ZNF366: variants seen among roughly 807,000 people sequenced by gnomAD.
ZNF366 encodes the protein dendritic cell-specific transcript protein.
Under a neutral mutation model 47.2 loss-of-function variants are expected in ZNF366, and 20 were observed. The ratio of observed to expected loss-of-function variants is 0.42; its 90% confidence interval spans 0.30 to 0.62. The LOEUF (loss-of-function observed/expected upper bound fraction) is 0.62. Ranked by LOEUF, ZNF366 falls within the 20% of genes least tolerant of loss-of-function variation. ZNF366 has a pLI of 0.16. For synonymous variants in ZNF366, 421 were observed against 395.1 expected, an observed-to-expected ratio of 1.07 and a Z score of -0.78; for missense variants, 987 against 976.3, an observed-to-expected ratio of 1.01 and a Z score of -0.15.
At chr5:72,487,877 T>C (rs1202424270) in intron 1 of ZNF366, among the ~76,000 whole-genome samples, 1 of 152,068 alleles carries the variant, frequency 6.6e-6, no homozygotes, top group Admixed American at 6.6e-5. Flanking sequence ...CATATTTTTC[T>C]CCCCCATTAG....
rs115708156 is a variant in ZNF366 at position 72,478,466 on chromosome 5, G to A, written c.-14-16956C>T. On this transcript the variant is annotated intron_variant, in intron 1 of 4. Coordinates refer to ENST00000318442, the MANE Select transcript of ZNF366 (RefSeq NM_152625.3). ...TTGCCTGAGGTGAGGGAGTGAGTAA[G>A]TGGCTGAGCTGGCATTCCACCCCAA... 7.0e-3 allele frequency among the ~76,000 whole-genome samples: 1,061 copies of A among 152,334 alleles called. 14 individuals are homozygous for A. The highest frequency in any genetic ancestry group is 0.023 in the African/African-American group (973 of 41,568).
At chr5:72,449,191 A>G (rs2112317285) in intron 3 of ZNF366, among the ~76,000 whole-genome samples, 1 of 151,766 alleles carries the variant, frequency 6.6e-6, no homozygotes, top group African/African-American at 2.4e-5. Flanking sequence ...TAAAAGTTCT[A>G]TTAGAGTTGT....
At chr5:72,486,068 C>A (rs1423812109) in intron 1 of ZNF366, among the ~76,000 whole-genome samples, 1 of 152,238 alleles carries the variant, frequency 6.6e-6, no homozygotes, top group Non-Finnish European at 1.5e-5. Flanking sequence ...TATCTTCTAA[C>A]ACACTGTGCA....
intron 1 of ZNF366, among the ~76,000 whole-genome samples, chr5:72,470,431 G>T (rs1199223016): frequency 6.6e-6 from 1 of 152,194 alleles, no homozygotes; most frequent in Non-Finnish European, 1.5e-5. Context: ...ACTTCTAGGT[G>T]AAACCTTTCT....
intron 1 of ZNF366, among the ~76,000 whole-genome samples, chr5:72,466,598 G>A (rs985395313): frequency 1.8e-4 from 28 of 152,176 alleles, no homozygotes; most frequent in African/African-American, 5.8e-4. Flanking sequence ...TTCAATTCCC[G>A]GGATGGAACC....
intron 1 of ZNF366, among the ~76,000 whole-genome samples, chr5:72,486,293 G>A (rs1743891520): frequency 6.6e-6 from 1 of 152,234 alleles, no homozygotes; most frequent in South Asian, 2.1e-4. Context: ...GCTTGAACAT[G>A]CAGAATTGGC....
chr5:72,485,337 A>G (rs1381345135), intron 1 of ZNF366, among the ~76,000 whole-genome samples: 2 of 152,172 alleles, frequency 1.3e-5, no homozygotes, highest in African/African-American at 4.8e-5. Flanking sequence ...ACCCTCAGTT[A>G]AAGAAAGGAA....
At chr5:72,496,944 A>G (rs1381043506) in intron 1 of ZNF366, among the ~76,000 whole-genome samples, 1 of 152,094 alleles carries the variant, frequency 6.6e-6, no homozygotes, top group Non-Finnish European at 1.5e-5. Flanking sequence ...TTAAGTATTT[A>G]TTCAAAATTT....
chr5:72,465,211 T>C (rs183900565), intron 1 of ZNF366, among the ~76,000 whole-genome samples: 1 of 152,288 alleles, frequency 6.6e-6, no homozygotes, highest in African/African-American at 2.4e-5. Context: ...GAGAACTAGA[T>C]CTGATTTCCC....
At chr5:72,497,670 C>T (rs993563925) in intron 1 of ZNF366, among the ~76,000 whole-genome samples, 4 of 152,084 alleles carry the variant, frequency 2.6e-5, no homozygotes, top group African/African-American at 9.7e-5. Flanking sequence ...GTCAATGTTA[C>T]ATTTTGATAG....
In ZNF366 at chr5:72,478,206, C is replaced by G. The variant is rs527274770; in HGVS notation, c.-14-16696G>C. Reference sequence around the variant, plus strand: ...AGGAGTTAGATTTATGCAATGTCTGCTCTGTGCCAGGCCTTGTGTGGGGGC... The same window carrying G: ...AGGAGTTAGATTTATGCAATGTCTGGTCTGTGCCAGGCCTTGTGTGGGGGC... On this transcript the variant is annotated intron_variant, in intron 1 of 4. Coordinates refer to ENST00000318442, the MANE Select transcript of ZNF366 (RefSeq NM_152625.3). Among the ~76,000 whole-genome samples, 9 of 147,912 alleles carry G rather than the reference C, an allele frequency of 6.1e-5. No homozygotes were observed. In the East Asian group the frequency reaches 1.9e-3, roughly 31 times the overall value.
intron 3 of ZNF366, among the ~76,000 whole-genome samples, chr5:72,451,157 GT>G (rs1743062038): frequency 6.6e-6 from 1 of 152,248 alleles, no homozygotes. Context: ...GTGGATGTTG[GT>G]TCAGGAAGCC....
intron 3 of ZNF366, among the ~76,000 whole-genome samples, chr5:72,452,803 G>A (rs550080459): frequency 2.0e-5 from 3 of 152,286 alleles, no homozygotes; most frequent in East Asian, 3.9e-4. Flanking sequence ...TCCCGAAGAC[G>A]GCAGCTGGTT....
At chr5:72,463,836 C>T (rs1283889984) in intron 1 of ZNF366, among the ~76,000 whole-genome samples, 1 of 152,148 alleles carries the variant, frequency 6.6e-6, no homozygotes, top group South Asian at 2.1e-4. Context: ...GAGGGTGTGG[C>T]CCTGGCCCAA....
intron 1 of ZNF366, among the ~76,000 whole-genome samples, chr5:72,484,495 A>AAATAATAAT (rs60726077): frequency 1.4e-5 from 2 of 145,818 alleles, no homozygotes; most frequent in African/African-American, 5.1e-5. Flanking sequence ...AAAAAAAAAA[A>AAATAATAAT]AATAATAATA....
chr5:72,467,039 C>A (rs1050861120), intron 1 of ZNF366, among the ~76,000 whole-genome samples: 1 of 152,158 alleles, frequency 6.6e-6, no homozygotes, highest in Admixed American at 6.5e-5. Flanking sequence ...AAATGTAAAC[C>A]AAGAATGGGT....
chr5:72,444,229 C>G lies in ZNF366; in HGVS notation c.1762G>C (p.Glu588Gln), dbSNP rs1363263603. 1.9e-6 allele frequency: 3 copies of G among 1,613,380 alleles called. No homozygotes were observed. Among genetic ancestry groups the G allele is most frequent in the Admixed American group, 3.3e-5 (2 of 60,012 alleles). Residue 588 changes from glutamate to glutamine, a missense_variant, in exon 5 of 5, where the codon GAG becomes CAG. Around this residue, in one of 3 missense-constraint regions of ZNF366, gnomAD observed 285 missense variants for 234.8 expected, o/e 1.21. Transcript: ENST00000318442. ...TAGVLRSLEQ[E>Q]EPFDLSQKRR... is the part of the protein sequence containing the mutation. ...TTCTGAGAGAGGTCAAAGGGCTCCT[C>G]CTGCTCCAGACTCCTCAGGACACCG...
At chr5:72,473,213 G>A (rs1743605078) in intron 1 of ZNF366, among the ~76,000 whole-genome samples, 1 of 152,192 alleles carries the variant, frequency 6.6e-6, no homozygotes, top group African/African-American at 2.4e-5. Context: ...GGCTGGAGGA[G>A]GAGCAGCCAT....
intron 1 of ZNF366, among the ~76,000 whole-genome samples, chr5:72,477,742 G>A (rs138528798): frequency 6.4e-4 from 97 of 152,242 alleles, no homozygotes; most frequent in African/African-American, 2.2e-3. Context: ...GGATCAGACC[G>A]TAAATATTTT....
Sources: allele counts gnomAD v4.1 joint callset (sites outside exome capture counted in the v4.1 genomes callset), GRCh38; gene constraint gnomAD v4.1.1; regional missense constraint gnomAD v4.1.1; transcripts MANE v1.5; gene names NCBI Gene and HGNC (gene_info 2026-07-23, HGNC 2026-07-21).